Variants in VAV3 observed in about 807,000 individuals in gnomAD.
VAV3 encodes vav guanine nucleotide exchange factor 3, also known as guanine nucleotide exchange factor VAV3.
In VAV3, 94 loss-of-function variants were observed where a neutral mutation model predicts 131.2. The ratio of observed to expected loss-of-function variants is 0.72; its 90% CI spans 0.61 to 0.85. VAV3 has a LOEUF of 0.85. Ranked by LOEUF, VAV3 falls within the 40% of genes least tolerant of loss-of-function variation. The pLI is 0.00. For missense variants in VAV3, 939 were observed against 1,002.7 expected (o/e 0.94, Z 0.86); for synonymous variants, 349 against 342.0 (o/e 1.02, Z -0.22).
chr1:107,808,309 G>C (rs1182179809), intron 2 of VAV3, among the ~76,000 whole-genome samples: 1 of 152,060 alleles, frequency 6.6e-6, no homozygotes, highest in African/African-American at 2.4e-5. Context: ...GGCCTAAGAA[G>C]AAAGTTCTTT....
chr1:107,790,844 C>T lies in VAV3; in HGVS notation c.322-11352G>A, dbSNP rs140345714. ...CTTGGATTACAGGCACCTGCCACCA[C>T]GCCCAGCTAATTTTTGTATTTTTAC... On this transcript the variant is annotated intron_variant, in intron 2 of 26. Transcript: ENST00000370056. 9.3e-4 allele frequency among the ~76,000 whole-genome samples: 142 copies of T among 151,906 alleles called. 1 individual carries two copies. The highest frequency in any genetic ancestry group is 3.4e-3 in the Middle Eastern group (1 of 294).
intron 1 of VAV3, among the ~76,000 whole-genome samples, chr1:107,886,864 C>A (rs1433244271): frequency 6.6e-6 from 1 of 151,766 alleles, no homozygotes; most frequent in Admixed American, 6.6e-5. Flanking sequence ...AAAAAAAAAC[C>A]TGCATTTGCC....
intron 1 of VAV3, among the ~76,000 whole-genome samples, chr1:107,927,183 A>T (rs965919381): frequency 1.3e-5 from 2 of 151,958 alleles, no homozygotes; most frequent in Admixed American, 1.3e-4. Context: ...ATTTCTAGAC[A>T]CACCCTGGGC....
At chr1:107,659,799 C>T (rs1318435295) in intron 19 of VAV3, among the ~76,000 whole-genome samples, 1 of 152,082 alleles carries the variant, frequency 6.6e-6, no homozygotes, top group Non-Finnish European at 1.5e-5. Flanking sequence ...TTAAAACCTG[C>T]AAATAGTGTT....
At chr1:107,604,408 T>C (rs935034556) in intron 22 of VAV3, among the ~76,000 whole-genome samples, 1 of 152,258 alleles carries the variant, frequency 6.6e-6, no homozygotes, top group Admixed American at 6.5e-5. Flanking sequence ...AGAAAAGTTA[T>C]AACAACTCAT....
chr1:107,773,865 G>C (rs1441034391), intron 4 of VAV3, among the ~76,000 whole-genome samples: 1 of 152,132 alleles, frequency 6.6e-6, no homozygotes, highest in East Asian at 1.9e-4. Context: ...AACAGGTTCT[G>C]CATTGGAGGG....
chr1:107,906,988 T>C (rs1332456547), intron 1 of VAV3, among the ~76,000 whole-genome samples: 1 of 152,210 alleles, frequency 6.6e-6, no homozygotes, highest in Non-Finnish European at 1.5e-5. Flanking sequence ...CCAAGTATCT[T>C]ATATGATTGA....
At chr1:107,860,862 CT>C (rs1330787542) in intron 2 of VAV3, among the ~76,000 whole-genome samples, 1 of 151,480 alleles carries the variant, frequency 6.6e-6, no homozygotes, top group Non-Finnish European at 1.5e-5. Context: ...GAGACCCTAT[CT>C]TTTACAAAAA....
Position 107,851,171 on chromosome 1 carries a change from C to CAAAAAAAAAA in VAV3, c.321+23720_321+23729dup, listed in dbSNP as rs35609784. Among the ~76,000 whole-genome samples the CAAAAAAAAAA allele has an allele frequency of 6.8e-3, 463 of 68,460 alleles. 2 individuals carry two copies. Among genetic ancestry groups the CAAAAAAAAAA allele is most frequent in the African/African-American group, 0.014 (267 of 19,162 alleles). The allele number at this position is 68,460 out of a possible 152,430, so 44.9% of individuals were successfully genotyped here. The stretch of plus-strand genomic sequence containing the variant: ...TGGGAGAAAGAGTGAGACTCCGTCT[C>CAAAAAAAAAA]AAAAAAAAAAAAAAAAAAAGAAGCC... On this transcript the variant is annotated intron_variant, in intron 2 of 26. Transcript: ENST00000370056.
chr1:107,620,655 T>C (rs1169313658), intron 20 of VAV3, among the ~76,000 whole-genome samples: 3 of 152,184 alleles, frequency 2.0e-5, no homozygotes, highest in African/African-American at 4.8e-5. Context: ...TGACTGTTTC[T>C]ATAGGAAAAT....
intron 20 of VAV3, among the ~76,000 whole-genome samples, chr1:107,619,977 A>G (rs1469505014): frequency 6.6e-6 from 1 of 152,196 alleles, no homozygotes; most frequent in African/African-American, 2.4e-5. Flanking sequence ...CTCTTCCCCA[A>G]GGAGCAGATC....
intron 20 of VAV3, among the ~76,000 whole-genome samples, chr1:107,629,373 A>G (rs1445283688): frequency 6.6e-6 from 1 of 152,208 alleles, no homozygotes; most frequent in East Asian, 1.9e-4. Context: ...AATTTCTTCC[A>G]GCATGAAGGA....
At chr1:107,944,454 G>A (rs1235816328) in intron 1 of VAV3, among the ~76,000 whole-genome samples, 2 of 152,202 alleles carry the variant, frequency 1.3e-5, no homozygotes, top group Admixed American at 6.5e-5. Flanking sequence ...CAGGGAGAGT[G>A]TGTATCCTCC....
At chr1:107,597,096 T>A (rs942373830) in intron 24 of VAV3, among the ~76,000 whole-genome samples, 1 of 152,154 alleles carries the variant, frequency 6.6e-6, no homozygotes, top group African/African-American at 2.4e-5. Flanking sequence ...AATAAAAATG[T>A]ATCTTATCAT....
At chr1:107,718,005 T>C (rs1661223226) in intron 15 of VAV3, among the ~76,000 whole-genome samples, 2 of 152,156 alleles carry the variant, frequency 1.3e-5, no homozygotes, top group African/African-American at 2.4e-5. Flanking sequence ...GCCTTCTTTG[T>C]CTCTTTTGGT....
At chr1:107,592,044 T>C (rs758164173) in intron 25 of VAV3, among the ~76,000 whole-genome samples, 17 of 149,780 alleles carry the variant, frequency 1.1e-4, no homozygotes, top group African/African-American at 3.6e-4. Flanking sequence ...CACACACACA[T>C]ATATATACAT....
At chr1:107,653,290 AT>A (rs1656309973) in intron 19 of VAV3, among the ~76,000 whole-genome samples, 1 of 151,842 alleles carries the variant, frequency 6.6e-6, no homozygotes, top group Non-Finnish European at 1.5e-5. Flanking sequence ...AACTATCAAC[AT>A]ATCTACAGAA....
chr1:107,721,060 G>A (rs952497339), intron 15 of VAV3, among the ~76,000 whole-genome samples: 2 of 152,172 alleles, frequency 1.3e-5, no homozygotes, highest in Admixed American at 6.5e-5. Context: ...GCTTGATATG[G>A]GTGAACAGAT....
At chr1:107,763,715 G>C (rs6678494) in intron 9 of VAV3, among the ~76,000 whole-genome samples, 30,115 of 152,086 alleles carry the variant, frequency 0.2, 3,104 homozygotes, top group East Asian at 0.36. Context: ...AAAGCAAAAA[G>C]ATCACGTATC....
Sources: allele counts gnomAD v4.1 joint callset (sites outside exome capture counted in the v4.1 genomes callset), GRCh38; gene constraint gnomAD v4.1.1; transcripts MANE v1.5; gene names NCBI Gene and HGNC (gene_info 2026-07-23, HGNC 2026-07-21).